NQO2: variants seen among roughly 807,000 people sequenced by gnomAD.
NQO2 encodes the protein N-ribosyldihydronicotinamide:quinone dehydrogenase 2.
NQO2 carries 18 observed loss-of-function variants against 22.0 expected under a neutral mutation model. The observed-to-expected ratio is 0.82, with a 90% CI of 0.56 to 1.21. The LOEUF (loss-of-function observed/expected upper bound fraction) is 1.21, where lower values mean the gene tolerates loss of function less well. NQO2 is among the 50% of genes most tolerant of loss of function. The pLI, the probability that NQO2 is intolerant of heterozygous loss-of-function variation, is 0.00. For synonymous variants in NQO2, 106 were observed against 110.8 expected, an observed-to-expected ratio of 0.96 and a Z score of 0.28; for missense variants, 267 against 286.9, an observed-to-expected ratio of 0.93 and a Z score of 0.50.
chr6:3,015,766 C>T (rs1178140418), intron 5 of NQO2, 123 bp downstream of exon 5: 1 of 903,732 alleles, frequency 1.1e-6, no homozygotes, highest in East Asian at 2.6e-5. Flanking sequence ...TGAGCACCCA[C>T]TATGTACAAA....
intron 1 of NQO2, among the ~76,000 whole-genome samples, chr6:3,004,863 TTTTG>T (rs1218164387): frequency 6.6e-6 from 1 of 152,164 alleles, no homozygotes. Context: ...TAACCACTTT[TTTTG>T]TTTGTTTGTT....
At chr6:3,011,268 A>G (rs1291825322) in intron 3 of NQO2, among the ~76,000 whole-genome samples, 1 of 152,228 alleles carries the variant, frequency 6.6e-6, no homozygotes, top group Non-Finnish European at 1.5e-5. Context: ...GATTGAAATA[A>G]TTTTTAAAAA....
intron 1 of NQO2, chr6:3,004,377 T>A (rs2113433414): frequency 4.1e-6 from 4 of 984,052 alleles, no homozygotes; most frequent in Non-Finnish European, 4.8e-6. Flanking sequence ...GTGTTTGGAG[T>A]GATCAGAGCT....
intron 2 of NQO2, chr6:3,009,761 G>T (rs2113447137): frequency 5.0e-6 from 1 of 201,406 alleles, no homozygotes; most frequent in Admixed American, 6.5e-5. Flanking sequence ...CAGCTAGTCA[G>T]GAGACTGAGG....
intron 1 of NQO2, among the ~76,000 whole-genome samples, chr6:3,000,766 T>A (rs1041809207): frequency 6.6e-6 from 1 of 152,160 alleles, no homozygotes; most frequent in Non-Finnish European, 1.5e-5. Flanking sequence ...CTCAAACTCC[T>A]GACCTCGTGA....
At chr6:3,002,247 G>C (rs376348718) in intron 1 of NQO2, 1 of 984,738 alleles carries the variant, frequency 1.0e-6, no homozygotes, top group East Asian at 1.1e-4. Flanking sequence ...AGGATAAGGT[G>C]TTCCCCCAGT....
intron 4 of NQO2, chr6:3,015,310 G>A (rs912894248): frequency 3.5e-5 from 34 of 985,426 alleles, no homozygotes; most frequent in Middle Eastern, 5.2e-4. Context: ...ACTGGGGGAT[G>A]CAGAGCTACC....
rs1032940688 is a variant in NQO2, at chr6:3,010,029, G to A, written c.12G>A (p.Lys4=). 1.9e-6 allele frequency: 3 copies of A among 1,611,220 alleles called. No homozygotes were observed. The South Asian group carries it at 3.3e-5, about 18-fold the overall frequency. The part of the protein sequence containing the change: MAG[K]KVLIVYAHQE... ...CTGTTTCTTATCCTGATTTAGGTAA[G>A]AAAGTACTCATTGTCTATGCACACC... Residue 4 remains lysine, a synonymous_variant, in exon 3 of 7, where the codon AAG becomes AAA. Coordinates refer to ENST00000380455, the MANE Select transcript of NQO2 (RefSeq NM_000904.6).
intron 3 of NQO2, 63 bp from the exon 4 acceptor site, chr6:3,012,481 A>T: frequency 6.4e-7 from 1 of 1,554,238 alleles, no homozygotes; most frequent in South Asian, 1.1e-5. Context: ...TGCTACTGGG[A>T]TGGTTGGGAT....
At chr6:3,008,412 C>CAAAA (rs543349139) in intron 2 of NQO2, among the ~76,000 whole-genome samples, 1 of 83,560 alleles carries the variant, frequency 1.2e-5, no homozygotes, top group Non-Finnish European at 2.7e-5. Context: ...AACTCTGTTT[C>CAAAA]AAAAAAAAAA....
In NQO2 at chr6:3,006,379, G is replaced by A. The variant is rs1581321646; in HGVS notation, c.-85-89G>A. On this transcript the variant is annotated intron_variant, in intron 1 of 6. Coordinates refer to ENST00000380455, the MANE Select transcript of NQO2 (RefSeq NM_000904.6). This position sits in a 1 kb window ranked among gnomAD's most constrained non-coding sequence, Gnocchi z 4.0. ...CTTTCTCTGATGTGTTTGCGTGTCT[G>A]TCAGGAAGCAGCAGTGATGCCTAGA... The A allele has an allele frequency of 1.4e-6, 2 of 1,427,080 alleles. No individual in the cohort carries two copies. Among genetic ancestry groups the A allele is most frequent in the East Asian group, 2.7e-5 (1 of 36,674 alleles). The allele number at this position is 1,427,080 out of a possible 1,614,324, so 88.4% of individuals were successfully genotyped here. A position where few individuals can be genotyped will look rare whatever the true frequency, so the allele number is the denominator to read the frequency against.
rs571228258 is a variant in NQO2 at position 3,012,920 on chromosome 6, A to G, written c.303+246A>G. On this transcript the variant is annotated intron_variant, in intron 4 of 6. Transcript: ENST00000380455. ...CTTCATCTAGTTACAACACTACTTTAAACACTGTACGTAGATGTAACACTA... is the reference window on the plus strand; with the variant it reads ...CTTCATCTAGTTACAACACTACTTTGAACACTGTACGTAGATGTAACACTA... 2.7e-5 allele frequency among the ~76,000 whole-genome samples: 4 copies of G among 147,622 alleles called. No individual in the cohort carries two copies. The East Asian group carries it at 6.0e-4, about 22-fold the overall frequency.
intron 3 of NQO2, 163 bp from the exon 4 acceptor site, chr6:3,012,377 CTGCT>C (rs1244461383): frequency 1.6e-5 from 16 of 985,314 alleles, no homozygotes; most frequent in Non-Finnish European, 1.9e-5. Context: ...CCCTCCCAGA[CTGCT>C]TCTCTTTCCC....
chr6:3,010,262 C>T, intron 3 of NQO2, 73 bp downstream of exon 3: 2 of 1,338,120 alleles, frequency 1.5e-6, no homozygotes, highest in Non-Finnish European at 2.0e-6. Context: ...TGTTGACTTC[C>T]AGCTGCAAAA....
Position 3,006,828 on chromosome 6 carries a change from T to C in NQO2, c.7+269T>C. The C allele has an allele frequency of 2.2e-6, 1 of 450,360 alleles. No homozygotes were observed. The highest frequency in any genetic ancestry group is 3.9e-6 in the Non-Finnish European group (1 of 257,582). 27.9% of individuals were successfully genotyped at this position (450,360 alleles called of 1,614,324 possible). On this transcript the variant is annotated intron_variant, in intron 2 of 6. Coordinates refer to ENST00000380455, the MANE Select transcript of NQO2 (RefSeq NM_000904.6). This position sits in a 1 kb window ranked among gnomAD's most constrained non-coding sequence, Gnocchi z 4.0. ...CGACTCCCTCCAGAATTTAGGTTCC[T>C]CAAAAGTGGGGCCCTGCCTATCCTG...
chr6:3,019,344 T>C lies in NQO2; in HGVS notation c.520-135T>C, dbSNP rs865832832. The C allele has an allele frequency of 4.9e-5, 69 of 1,407,866 alleles. No homozygotes were observed. In the Middle Eastern group the frequency reaches 1.1e-3, roughly 23 times the overall value. The allele number at this position is 1,407,866 out of a possible 1,614,324, so 87.2% of individuals were successfully genotyped here. Reference sequence around the variant, plus strand: ...GCCATAGGGAAGTTTAGCTTTCAGTTGCCTGTAACATTAAGGTTGTTTCAT... The same window carrying C: ...GCCATAGGGAAGTTTAGCTTTCAGTCGCCTGTAACATTAAGGTTGTTTCAT... On this transcript the variant is annotated intron_variant, in intron 6 of 6. Coordinates refer to ENST00000380455, the MANE Select transcript of NQO2 (RefSeq NM_000904.6).
At chr6:3,002,193 A>G (rs940102495) in intron 1 of NQO2, 2 of 985,288 alleles carry the variant, frequency 2.0e-6, no homozygotes, top group Non-Finnish European at 2.4e-6. Context: ...AAAATGAAGC[A>G]TTTCATACAA....
At chr6:3,012,979 G>A (rs1315539398) in intron 4 of NQO2, among the ~76,000 whole-genome samples, 5 of 32,118 alleles carry the variant, frequency 1.6e-4, no homozygotes, top group Admixed American at 7.8e-4. Flanking sequence ...TTTTTGAGAC[G>A]GAGTCTCGCT....
chr6:3,018,972 G>T (rs925533337), intron 6 of NQO2, among the ~76,000 whole-genome samples: 1 of 149,894 alleles, frequency 6.7e-6, no homozygotes, highest in African/African-American at 2.5e-5. Context: ...ATTTTCTTAG[G>T]GCCTATATAT....
Sources: gnomAD v4.1 joint callset for allele counts (sites outside exome capture counted in the v4.1 genomes callset) on GRCh38, gnomAD v4.1.1 for gene constraint, Gnocchi (gnomAD v3.1) non-coding constraint, MANE v1.5 for transcripts, NCBI Gene and HGNC (gene_info 2026-07-23, HGNC 2026-07-21) for gene names.